PARM1: variants seen among roughly 807,000 people sequenced by gnomAD.
PARM1 encodes prostate androgen-regulated mucin-like protein 1.
In PARM1, 14 loss-of-function variants were observed where a neutral mutation model predicts 24.6. That is an observed-to-expected ratio of 0.57 (90% CI 0.38 to 0.89). The LOEUF is 0.89. PARM1 is among the 40% of genes least tolerant of loss of function. PARM1 has a pLI of 0.00. For missense variants in PARM1, 362 were observed against 380.4 expected, an observed-to-expected ratio of 0.95 and a Z score of 0.40; for synonymous variants, 179 against 156.6, an observed-to-expected ratio of 1.14 and a Z score of -1.07.
intron 1 of PARM1, among the ~76,000 whole-genome samples, chr4:74,977,208 C>T (rs1023310918): frequency 7.9e-5 from 12 of 152,152 alleles, no homozygotes; most frequent in Non-Finnish European, 1.5e-4. Flanking sequence ...AGCTAAGAAT[C>T]ATGATAAAAC....
chr4:74,933,117 G>A lies in PARM1; in HGVS notation c.-211G>A, dbSNP rs1314288155. On this transcript the variant is annotated 5_prime_UTR_variant, in exon 1 of 4. Transcript: ENST00000307428. Reference sequence around the variant, plus strand: ...GGGCTCGGGCGGCTGGGATGGAGCAGAAGAGCGCGGAGCACCGGAGGGCAC... The same window carrying A: ...GGGCTCGGGCGGCTGGGATGGAGCAAAAGAGCGCGGAGCACCGGAGGGCAC... 3 of 522,282 alleles carry A rather than the reference G, an allele frequency of 5.7e-6. No homozygotes were observed. The highest frequency in any genetic ancestry group is 4.7e-4 in the Middle Eastern group (1 of 2,140). 32.4% of individuals were successfully genotyped at this position (522,282 alleles called of 1,614,324 possible).
At chr4:75,015,253 T>C (rs1019916993) in intron 2 of PARM1, among the ~76,000 whole-genome samples, 12 of 152,230 alleles carry the variant, frequency 7.9e-5, no homozygotes, top group African/African-American at 2.7e-4. Flanking sequence ...TCTAATATCT[T>C]GGCTTGATTT....
At chr4:74,969,768 C>T (rs1721985574) in intron 1 of PARM1, 1 of 152,216 alleles carries the variant, frequency 6.6e-6, no homozygotes, top group Non-Finnish European at 1.5e-5. Context: ...CTGGGCTGTT[C>T]CTTCTCTTCT....
chr4:74,943,634 C>T (rs1721355439), intron 1 of PARM1, among the ~76,000 whole-genome samples: 2 of 152,126 alleles, frequency 1.3e-5, no homozygotes, highest in South Asian at 4.1e-4. Context: ...GTGCCATAGA[C>T]ATCATTTAAA....
At position 74,979,203 on chromosome 4, in the gene PARM1, A is replaced by C. The variant is rs6854667; in HGVS notation, c.44-33222A>C. On this transcript the variant is annotated intron_variant, in intron 1 of 3. Transcript: ENST00000307428. ...CCAGGAGCTGTTCTTTTTTAAAAAA[A>C]ATATTAAAATAGACCACTAGCTAGA... Among the ~76,000 whole-genome samples, 3 of 151,922 alleles carry C rather than the reference A, an allele frequency of 2.0e-5. No individual in the cohort carries two copies. The East Asian group carries it at 5.8e-4, about 29-fold the overall frequency.
chr4:75,023,164 A>G (rs1280631464), intron 2 of PARM1, among the ~76,000 whole-genome samples: 2 of 152,230 alleles, frequency 1.3e-5, no homozygotes, highest in East Asian at 3.9e-4. Context: ...TCACGGAGTC[A>G]TTTCAAAGAC....
At chr4:74,963,688 G>T (rs1022248144) in intron 1 of PARM1, among the ~76,000 whole-genome samples, 1 of 152,168 alleles carries the variant, frequency 6.6e-6, no homozygotes, top group African/African-American at 2.4e-5. Context: ...ATGGTACAGA[G>T]TTTCTGTTTG....
At chr4:74,983,220 T>C (rs935055510) in intron 1 of PARM1, among the ~76,000 whole-genome samples, 2 of 152,222 alleles carry the variant, frequency 1.3e-5, no homozygotes, top group Non-Finnish European at 2.9e-5. Context: ...TAGTAGATTG[T>C]TGTGGCTTTG....
intron 1 of PARM1, among the ~76,000 whole-genome samples, chr4:74,996,192 G>A (rs114212772): frequency 3.2e-4 from 49 of 152,006 alleles, no homozygotes; most frequent in African/African-American, 1.2e-3. Context: ...CCTTGTACAG[G>A]CCCCTGTGTT....
At chr4:75,042,093 C>T (rs1046747562) in intron 3 of PARM1, among the ~76,000 whole-genome samples, 3 of 152,120 alleles carry the variant, frequency 2.0e-5, no homozygotes, top group African/African-American at 7.2e-5. Flanking sequence ...AATGAATTTC[C>T]ATGGGCCATA....
chr4:75,042,100 C>T (rs1277870762), intron 3 of PARM1, among the ~76,000 whole-genome samples: 2 of 152,116 alleles, frequency 1.3e-5, no homozygotes, highest in Non-Finnish European at 2.9e-5. Context: ...TTCCATGGGC[C>T]ATATTAATCC....
intron 1 of PARM1, among the ~76,000 whole-genome samples, chr4:74,976,834 C>A (rs879834876): frequency 5.3e-5 from 8 of 152,240 alleles, no homozygotes; most frequent in East Asian, 1.9e-4. Context: ...CTGGAGTGGA[C>A]CCCCAGAAAA....
At chr4:75,024,220 C>T (rs1432379472) in intron 2 of PARM1, among the ~76,000 whole-genome samples, 1 of 150,972 alleles carries the variant, frequency 6.6e-6, no homozygotes, top group Non-Finnish European at 1.5e-5. Context: ...TGCGCCACTG[C>T]ACACTCCAGC....
intron 2 of PARM1, among the ~76,000 whole-genome samples, chr4:75,016,185 A>G (rs1722983583): frequency 6.6e-6 from 1 of 152,174 alleles, no homozygotes. Context: ...AATAAAGGAA[A>G]TTTGAGCCTA....
In PARM1 at chr4:74,982,203, C is replaced by A. The variant is rs189362658; in HGVS notation, c.44-30222C>A. On this transcript the variant is annotated intron_variant, in intron 1 of 3. Transcript: ENST00000307428. ...GCAAACTAATGCAGGAACAGAAAAC[C>A]AAACACTGCATATTCTCACTTATAA... 5.0e-3 allele frequency among the ~76,000 whole-genome samples: 762 copies of A among 152,238 alleles called. 4 individuals carry two copies. The highest frequency in any genetic ancestry group is 7.2e-3 in the Non-Finnish European group (492 of 68,008).
chr4:74,985,198 G>A (rs542892931), intron 1 of PARM1, among the ~76,000 whole-genome samples: 1 of 152,310 alleles, frequency 6.6e-6, no homozygotes, highest in African/African-American at 2.4e-5. Context: ...CTGCAGCTGA[G>A]GAATCTAGGA....
At chr4:75,013,813 A>T (rs975389442) in intron 2 of PARM1, among the ~76,000 whole-genome samples, 12 of 152,364 alleles carry the variant, frequency 7.9e-5, no homozygotes, top group African/African-American at 2.9e-4. Context: ...CAATAATTAT[A>T]TGAAGTTAGT....
intron 1 of PARM1, among the ~76,000 whole-genome samples, chr4:74,958,006 A>G (rs1212981112): frequency 1.3e-5 from 2 of 152,180 alleles, no homozygotes; most frequent in Non-Finnish European, 1.5e-5. Context: ...TTGCCTGTAA[A>G]TGGCAGACTA....
chr4:74,943,274 A>G (rs1023911496), intron 1 of PARM1, among the ~76,000 whole-genome samples: 7 of 152,112 alleles, frequency 4.6e-5, no homozygotes, highest in Non-Finnish European at 8.8e-5. Context: ...GAGGACAGAG[A>G]TTTTGTTCCT....
Sources: allele counts gnomAD v4.1 joint callset (sites outside exome capture counted in the v4.1 genomes callset), GRCh38; gene constraint gnomAD v4.1.1; transcripts MANE v1.5; gene names NCBI Gene and HGNC (gene_info 2026-07-23, HGNC 2026-07-21).